Variants in TBC1D5 observed in about 807,000 individuals in gnomAD.
TBC1D5 encodes the protein TBC1 domain family, member 5.
Under a neutral mutation model 100.3 loss-of-function variants are expected in TBC1D5, and 75 were observed. The ratio of observed to expected loss-of-function variants is 0.75; its 90% CI spans 0.62 to 0.91. The LOEUF is 0.91. Among genes scored for constraint, TBC1D5 ranks in the 40% least tolerant of loss-of-function variants. TBC1D5 has a pLI of 0.00. For missense variants in TBC1D5, 910 were observed against 942.4 expected (o/e 0.97, Z 0.45); for synonymous variants, 323 against 325.6 (o/e 0.99, Z 0.09).
intron 13 of TBC1D5, among the ~76,000 whole-genome samples, chr3:17,350,294 T>G (rs1575470606): frequency 6.6e-6 from 1 of 151,136 alleles, no homozygotes; most frequent in South Asian, 2.1e-4. Context: ...TAAAATATGA[T>G]GTGGGTTAGA....
intron 15 of TBC1D5, among the ~76,000 whole-genome samples, chr3:17,290,000 A>G (rs2081561028): frequency 6.6e-6 from 1 of 152,218 alleles, no homozygotes; most frequent in Non-Finnish European, 1.5e-5. Context: ...AAGGCTACAC[A>G]GCTTTCTTTA....
intron 3 of TBC1D5, among the ~76,000 whole-genome samples, chr3:17,484,498 C>T (rs1010639753): frequency 1.5e-5 from 2 of 131,106 alleles, no homozygotes; most frequent in African/African-American, 6.8e-5. Flanking sequence ...GTTTGGGTAA[C>T]AATCATAATT....
In TBC1D5 at chr3:17,353,494, TCAGA is replaced by T. The variant is rs1486403945; in HGVS notation, c.995+18577_995+18580del. On this transcript the variant is annotated intron_variant, in intron 13 of 21. Transcript: ENST00000253692. ...TACCTAACTTCAGTTTGCATAAATA[TCAGA>T]CAATTACATCACTATTATATTTCAA... Among the ~76,000 whole-genome samples the T allele has an allele frequency of 2.0e-5, 3 of 152,114 alleles. No individual in the cohort carries two copies. In the East Asian group the frequency reaches 5.8e-4, roughly 29 times the overall value.
chr3:17,295,393 T>C (rs914049244), intron 14 of TBC1D5, among the ~76,000 whole-genome samples: 1 of 152,214 alleles, frequency 6.6e-6, no homozygotes, highest in African/African-American at 2.4e-5. Flanking sequence ...CATTTCCCCA[T>C]CTTGCTCAAT....
At chr3:17,599,370 C>T (rs754928001) in intron 2 of TBC1D5, among the ~76,000 whole-genome samples, 17 of 152,114 alleles carry the variant, frequency 1.1e-4, no homozygotes, top group Non-Finnish European at 2.1e-4. Flanking sequence ...AGAATAAGCA[C>T]CTGAAGGTCG....
intron 19 of TBC1D5, 170 bp downstream of exon 20, chr3:17,184,939 C>T: frequency 4.6e-6 from 2 of 434,450 alleles, no homozygotes; most frequent in Non-Finnish European, 4.1e-6. Context: ...GTTTCTTCAT[C>T]TATATAATGT....
In TBC1D5 at chr3:17,237,725, A is replaced by G. The variant is rs79266643; in HGVS notation, c.1588+438T>C. ...CTTAGAAGTGAAGCAGCTGGGTGAG[A>G]GACTGCAAGCCTAGTGGCCCACTTT... On this transcript the variant is annotated intron_variant, in intron 17 of 21. Coordinates refer to ENST00000253692, the Ensembl canonical transcript of TBC1D5. 7.7e-3 allele frequency among the ~76,000 whole-genome samples: 1,173 copies of G among 152,364 alleles called. 16 individuals are homozygous for G. Among genetic ancestry groups the G allele is most frequent in the African/African-American group, 0.027 (1,127 of 41,594 alleles).
intron 14 of TBC1D5, among the ~76,000 whole-genome samples, chr3:17,307,382 T>A (rs150500380): frequency 1.3e-4 from 20 of 152,306 alleles, no homozygotes; most frequent in Admixed American, 3.9e-4. Context: ...CACACCGATA[T>A]TTTCTTCAAG....
rs750788553 is a variant in TBC1D5 at position 17,166,920 on chromosome 3, G to A, written c.1941C>T (p.Asp647=). The A allele has an allele frequency of 3.1e-6, 5 of 1,594,472 alleles. No individual in the cohort carries two copies. The African/African-American group carries it at 6.8e-5, about 22-fold the overall frequency. ...TAAAACGCAGGGAACCTTTTAGAAT[G>A]TCTTTGATCTATTTTCAAAGAAGAA... The change falls in exon 21 of 22, where the codon GAC becomes GAT. Residue 647 remains aspartate, a synonymous_variant. Coordinates refer to ENST00000253692, the Ensembl canonical transcript of TBC1D5.
chr3:17,682,017 A>G (rs901341835), intron 1 of TBC1D5, among the ~76,000 whole-genome samples: 6 of 151,564 alleles, frequency 4.0e-5, no homozygotes, highest in African/African-American at 1.2e-4. Context: ...GAGGTGGAAC[A>G]GTTTCTTCTG....
chr3:17,476,316 G>A (rs752186677), intron 3 of TBC1D5, among the ~76,000 whole-genome samples: 26 of 151,824 alleles, frequency 1.7e-4, no homozygotes, highest in Non-Finnish European at 2.8e-4. Context: ...GGTATTGTTA[G>A]TAAGATGTGA....
intron 16 of TBC1D5, among the ~76,000 whole-genome samples, chr3:17,257,822 AAATTCGGAC>A (rs1277068287): frequency 2.6e-5 from 4 of 152,116 alleles, no homozygotes; most frequent in Non-Finnish European, 5.9e-5. Flanking sequence ...TTGAGGAAGA[AAATTCGGAC>A]AACTTGGCAG....
chr3:17,707,030 C>T (rs1378700294), intron 1 of TBC1D5, among the ~76,000 whole-genome samples: 1 of 151,844 alleles, frequency 6.6e-6, no homozygotes, highest in African/African-American at 2.4e-5. Flanking sequence ...ACTTCCTAAA[C>T]TTTGGGATAA....
At chr3:17,226,720 C>G (rs1357906231) in intron 17 of TBC1D5, among the ~76,000 whole-genome samples, 1 of 152,194 alleles carries the variant, frequency 6.6e-6, no homozygotes, top group Non-Finnish European at 1.5e-5. Context: ...AGTGTTGCTT[C>G]TTTCACTCCC....
intron 2 of TBC1D5, among the ~76,000 whole-genome samples, chr3:17,582,476 A>C (rs1270447197): frequency 6.6e-6 from 1 of 152,130 alleles, no homozygotes; most frequent in African/African-American, 2.4e-5. Context: ...GATGACAAAA[A>C]CGGGATATAA....
At chr3:17,325,612 G>A (rs1453229313) in intron 13 of TBC1D5, among the ~76,000 whole-genome samples, 7 of 152,108 alleles carry the variant, frequency 4.6e-5, no homozygotes, top group East Asian at 1.9e-4. Flanking sequence ...ATGAGCCACC[G>A]CGCCTGGCCC....
intron 1 of TBC1D5, among the ~76,000 whole-genome samples, chr3:17,696,158 A>C (rs918981023): frequency 6.6e-6 from 1 of 152,226 alleles, no homozygotes; most frequent in African/African-American, 2.4e-5. Flanking sequence ...GAAAGATCTA[A>C]AATCGACACC....
chr3:17,349,847 T>A (rs1867772), intron 13 of TBC1D5, among the ~76,000 whole-genome samples: 77,135 of 151,972 alleles, frequency 0.51, 21,287 homozygotes, highest in African/African-American at 0.7. Context: ...ATTAAACAAT[T>A]AGGAAAAAAA....
At chr3:17,258,191 A>C (rs913157556) in intron 16 of TBC1D5, among the ~76,000 whole-genome samples, 7 of 152,142 alleles carry the variant, frequency 4.6e-5, no homozygotes, top group African/African-American at 1.7e-4. Context: ...GTCTCTTTTC[A>C]ATCAACAGCA....
Sources: allele counts gnomAD v4.1 joint callset (sites outside exome capture counted in the v4.1 genomes callset), GRCh38; gene constraint gnomAD v4.1.1; transcripts MANE v1.5; gene names NCBI Gene and HGNC (gene_info 2026-07-23, HGNC 2026-07-21).